NPFFR1: variants seen among roughly 807,000 people sequenced by gnomAD.
NPFFR1 encodes G-protein coupled receptor 147.
A neutral mutation model predicts 12.7 loss-of-function variants in NPFFR1; 17 were observed. The observed-to-expected ratio is 1.34, with a 90% CI of 0.92 to 2.01. The LOEUF is 2.01. NPFFR1 is among the 30% of genes most tolerant of loss of function. NPFFR1 has a pLI of 0.00. For synonymous variants in NPFFR1, 296 were observed against 264.5 expected (o/e 1.12, Z -1.16); for missense variants, 604 against 606.5 (o/e 1.00, Z 0.04).
At chr10:70,267,425 AT>A (rs34894485) in intron 1 of NPFFR1, among the ~76,000 whole-genome samples, 40,083 of 151,800 alleles carry the variant, frequency 0.26, 5,931 homozygotes, top group South Asian at 0.44. Context: ...TTTCTTTTGT[AT>A]TTTTTTTAAA....
chr10:70,264,070 G>A (rs968006604), intron 2 of NPFFR1, among the ~76,000 whole-genome samples: 1 of 151,022 alleles, frequency 6.6e-6, no homozygotes, highest in African/African-American at 2.4e-5. Context: ...GGATGACAGA[G>A]TGAGACTGTC....
At chr10:70,279,045 G>A (rs1840833060) in intron 1 of NPFFR1, among the ~76,000 whole-genome samples, 1 of 152,136 alleles carries the variant, frequency 6.6e-6, no homozygotes, top group Admixed American at 6.5e-5. Context: ...AATACAAGGT[G>A]GAGTAATTAA....
chr10:70,272,695 G>C (rs962966503), intron 1 of NPFFR1, among the ~76,000 whole-genome samples: 2 of 152,248 alleles, frequency 1.3e-5, no homozygotes, highest in Non-Finnish European at 2.9e-5. Flanking sequence ...GAGCATGGAT[G>C]TGCCCTGTAG....
In NPFFR1 at chr10:70,277,296, C is replaced by A. The variant is rs1840814096; in HGVS notation, c.7+6374G>T. On this transcript the variant is annotated intron_variant, in intron 1 of 3. Transcript: ENST00000277942. Reference sequence around the variant, plus strand: ...CCCCACAGTGTCCCCAGAATCTAGACCATTTGTGCAGACCTGCTGCAGTTC... The same window carrying A: ...CCCCACAGTGTCCCCAGAATCTAGAACATTTGTGCAGACCTGCTGCAGTTC... Among the ~76,000 whole-genome samples, 4 of 152,226 alleles carry A rather than the reference C, an allele frequency of 2.6e-5. No individual in the cohort carries two copies. In the South Asian group the frequency reaches 8.3e-4, roughly 32 times the overall value.
At chr10:70,282,337 T>C (rs909206184) in intron 1 of NPFFR1, among the ~76,000 whole-genome samples, 6 of 152,210 alleles carry the variant, frequency 3.9e-5, no homozygotes, top group Non-Finnish European at 8.8e-5. Flanking sequence ...TTGAAAGCTT[T>C]TTGCTCTTGT....
chr10:70,272,253 A>AAGAAAGAAAGAAT (rs1554833505), intron 1 of NPFFR1, among the ~76,000 whole-genome samples: 2 of 147,794 alleles, frequency 1.4e-5, no homozygotes, highest in African/African-American at 4.9e-5. Flanking sequence ...AGAAGAAAGA[A>AAGAAAGAAAGAAT]GAAAGAAAAT....
intron 1 of NPFFR1, among the ~76,000 whole-genome samples, chr10:70,269,658 C>T (rs1040855633): frequency 2.6e-5 from 4 of 152,018 alleles, no homozygotes; most frequent in Non-Finnish European, 5.9e-5. Context: ...ATTACAGGTG[C>T]ATGCCACCAC....
chr10:70,273,165 A>G (rs1840767248), intron 1 of NPFFR1, among the ~76,000 whole-genome samples: 1 of 152,146 alleles, frequency 6.6e-6, no homozygotes, highest in African/African-American at 2.4e-5. Context: ...TGCCCCTTCC[A>G]ACTGGATCAG....
intron 1 of NPFFR1, among the ~76,000 whole-genome samples, chr10:70,273,918 G>T (rs763328237): frequency 1.5e-4 from 23 of 152,062 alleles, no homozygotes; most frequent in Non-Finnish European, 2.9e-4. Context: ...GAATCCCAGG[G>T]TCAGAGAAAG....
chr10:70,275,169 A>G (rs982326102), intron 1 of NPFFR1, among the ~76,000 whole-genome samples: 22 of 152,214 alleles, frequency 1.4e-4, no homozygotes, highest in African/African-American at 4.6e-4. Context: ...GGAGCCCCCA[A>G]GCGAGCCCCT....
intron 1 of NPFFR1, among the ~76,000 whole-genome samples, chr10:70,267,793 T>G (rs563632434): frequency 6.6e-6 from 1 of 152,194 alleles, no homozygotes; most frequent in African/African-American, 2.4e-5. Flanking sequence ...GCCTGGAGGT[T>G]AGAGACCCTC....
intron 1 of NPFFR1, among the ~76,000 whole-genome samples, chr10:70,277,140 C>T (rs1840812688): frequency 6.6e-6 from 1 of 152,226 alleles, no homozygotes; most frequent in Non-Finnish European, 1.5e-5. Context: ...GAGAACCAGG[C>T]CTACACCCAT....
chr10:70,266,300 G>A lies in NPFFR1; in HGVS notation c.99C>T (p.Ser33=), dbSNP rs773754932. Residue 33 remains serine (S), a synonymous_variant, in exon 2 of 4, where the codon TCC becomes TCT. Coordinates refer to ENST00000277942, the MANE Select transcript of NPFFR1 (RefSeq NM_022146.5). Reference sequence around the variant, plus strand: ...CAGGGGAGGTGTGCTGATAGTAGGAGGAGAAGGTGAGGTTTGTAGCCGGGG... The same window carrying A: ...CAGGGGAGGTGTGCTGATAGTAGGAAGAGAAGGTGAGGTTTGTAGCCGGGG... ...EATPATNLTF[S]SYYQHTSPVA... The A allele has an allele frequency of 1.9e-6, 3 of 1,613,870 alleles. No individual in the cohort carries two copies. The highest frequency in any genetic ancestry group is 2.5e-6 in the Non-Finnish European group (3 of 1,179,832).
intron 1 of NPFFR1, among the ~76,000 whole-genome samples, chr10:70,275,118 G>A (rs1840789006): frequency 6.6e-6 from 1 of 152,220 alleles, no homozygotes; most frequent in Admixed American, 6.5e-5. Flanking sequence ...GATTGGCAAA[G>A]GCCAAAGAAT....
At chr10:70,281,866 C>A (rs1840866065) in intron 1 of NPFFR1, among the ~76,000 whole-genome samples, 1 of 152,144 alleles carries the variant, frequency 6.6e-6, no homozygotes, top group Non-Finnish European at 1.5e-5. Flanking sequence ...TGCAAGTGTG[C>A]AGCTCAGAAT....
In NPFFR1 at chr10:70,253,123, G is replaced by A. The variant is rs768179744; in HGVS notation, c.*1834C>T. 3.3e-5 allele frequency: 5 copies of A among 152,244 alleles called. No individual in the cohort carries two copies. Among genetic ancestry groups the A allele is most frequent in the Non-Finnish European group, 7.3e-5 (5 of 68,144 alleles). 9.4% of individuals were successfully genotyped at this position (152,244 alleles called of 1,614,324 possible). A position where few individuals can be genotyped will look rare whatever the true frequency, so the allele number is the denominator to read the frequency against. Reference sequence around the variant, plus strand: ...CAGCTAATACCACTGAGGGGCAGGAGGGCATACTCTCTCTCAGACCCTCAT... The same window carrying A: ...CAGCTAATACCACTGAGGGGCAGGAAGGCATACTCTCTCTCAGACCCTCAT... On this transcript the variant is annotated 3_prime_UTR_variant, in exon 4 of 4. Coordinates refer to ENST00000277942, the MANE Select transcript of NPFFR1 (RefSeq NM_022146.5).
At position 70,255,201 on chromosome 10, in the gene NPFFR1, G is replaced by A; in HGVS notation, c.1049C>T (p.Pro350Leu). 1 of 1,546,672 alleles carries A rather than the reference G, an allele frequency of 6.5e-7. No individual in the cohort carries two copies. The highest frequency in any genetic ancestry group is 1.4e-5 in the African/African-American group (1 of 73,386). ...FQAAFRARLCPRPSGSHKEAY... is the reference protein window; with the variant it reads ...FQAAFRARLCLRPSGSHKEAY... ...CTCCTTGTGGCTCCCCGACGGGCGC[G>A]GGCAGAGGCGGGCGCGGAAGGCGGC... Residue 350 changes from proline to leucine, a missense_variant, in exon 4 of 4, where the codon CCG (proline) becomes CTG (leucine). By Grantham distance (98) the Pro-to-Leu change is moderately conservative. Coordinates refer to ENST00000277942, the MANE Select transcript of NPFFR1 (RefSeq NM_022146.5). This position sits in a 1 kb window ranked among gnomAD's most constrained non-coding sequence, Gnocchi z 4.2.
intron 3 of NPFFR1, among the ~76,000 whole-genome samples, chr10:70,257,882 A>C (rs1003405280): frequency 6.6e-6 from 1 of 152,210 alleles, no homozygotes; most frequent in East Asian, 1.9e-4. Flanking sequence ...AGAGAAACAT[A>C]AATCTGGCTT....
Position 70,255,181 on chromosome 10 carries a change from T to A in NPFFR1, c.1069A>T (p.Lys357Ter). Residue 357 changes from lysine (K) to a stop codon, truncating the protein, a stop_gained, in exon 4 of 4, where the codon AAG becomes TAG. Transcript: ENST00000277942. LOFTEE classifies it low-confidence loss of function (END_TRUNC). This position sits in a 1 kb window ranked among gnomAD's most constrained non-coding sequence, Gnocchi z 4.2. ...RLCPRPSGSHKEAYSERPGGL... is the reference protein window; with the variant it reads ...RLCPRPSGSH The stretch of plus-strand genomic sequence containing the variant: ...CCGGGCCGCTCGGAGTAGGCCTCCT[T>A]GTGGCTCCCCGACGGGCGCGGGCAG... 1 of 1,548,610 alleles carries A rather than the reference T, an allele frequency of 6.5e-7. No individual in the cohort carries two copies. Among genetic ancestry groups the A allele is most frequent in the Non-Finnish European group, 8.7e-7 (1 of 1,149,524 alleles).
Sources: gnomAD v4.1 joint callset for allele counts (sites outside exome capture counted in the v4.1 genomes callset) on GRCh38, gnomAD v4.1.1 for gene constraint, Gnocchi (gnomAD v3.1) non-coding constraint, MANE v1.5 for transcripts, NCBI Gene and HGNC (gene_info 2026-07-23, HGNC 2026-07-21) for gene names.